The following TACC2 variants were observed in gnomAD, a reference collection of about 807,000 sequenced individuals.
The protein encoded by TACC2 is transforming acidic coiled-coil containing protein 2, also known as transforming acidic coiled-coil-containing protein 2.
Under a neutral mutation model 227.3 loss-of-function variants are expected in TACC2, and 137 were observed. The observed-to-expected ratio is 0.60, with a 90% CI of 0.52 to 0.69. TACC2 has a LOEUF of 0.69. Ranked by LOEUF, TACC2 falls within the 30% of genes least tolerant of loss-of-function variation. TACC2 has a pLI of 0.00. For missense variants in TACC2, 3,470 were observed against 3,694.4 expected (o/e 0.94, Z 1.57); for synonymous variants, 1,523 against 1,487.5 (o/e 1.02, Z -0.55).
chr10:122,085,990 C>T lies in TACC2; in HGVS notation c.3490C>T (p.His1164Tyr), dbSNP rs1294650888. The change falls in exon 4 of 23, where the codon CAC becomes TAC. Residue 1164 changes from histidine to tyrosine, a missense_variant. Around this residue, in one of 10 missense-constraint regions of TACC2, gnomAD observed 1,924 missense variants for 1,978.3 expected, o/e 0.97. Transcript: ENST00000369005. ...GAGTTGTGGCCTCCTTCAGACTGAG[C>T]ACTGCCTTACCTCCGGGGAGGAAGC... ...TLSCGLLQTE[H>Y]CLTSGEEAST... The T allele has an allele frequency of 6.2e-7, 1 of 1,614,018 alleles. No individual in the cohort carries two copies. Among genetic ancestry groups the T allele is most frequent in the Non-Finnish European group, 8.5e-7 (1 of 1,180,020 alleles).
intron 7 of TACC2, among the ~76,000 whole-genome samples, chr10:122,159,508 G>A (rs373798795): frequency 2.0e-5 from 3 of 152,340 alleles, no homozygotes; most frequent in African/African-American, 7.2e-5. Flanking sequence ...GCCTAGCTCA[G>A]TGCAGGGCTC....
chr10:122,041,133 G>T (rs2074209146), intron 2 of TACC2, among the ~76,000 whole-genome samples: 2 of 152,226 alleles, frequency 1.3e-5, no homozygotes, highest in Admixed American at 6.5e-5. Flanking sequence ...GAGGTTGTAT[G>T]TTGCTCAGGC....
intron 1 of TACC2, among the ~76,000 whole-genome samples, chr10:122,008,264 A>ATTATTTTTTTTTTTTTTTTTT: frequency 3.0e-5 from 4 of 134,654 alleles, no homozygotes; most frequent in Non-Finnish European, 4.7e-5. Context: ...TATTATTATT[A>ATTATTTTTTTTTTTTTTTTTT]TTTTTTTTTT....
chr10:122,190,934 C>T (rs1017126400), intron 7 of TACC2, among the ~76,000 whole-genome samples: 17 of 152,152 alleles, frequency 1.1e-4, no homozygotes, highest in Middle Eastern at 3.2e-3. Flanking sequence ...GTAAATTGAG[C>T]TTGCTGAAAA....
intron 13 of TACC2, 144 bp from the exon 14 acceptor site, chr10:122,227,693 G>C: frequency 1.2e-6 from 1 of 860,994 alleles, no homozygotes; most frequent in Admixed American, 2.6e-5. Flanking sequence ...CAGCCTAGAG[G>C]CTGCATGGCC....
chr10:122,041,089 A>C (rs1478313002), intron 2 of TACC2, among the ~76,000 whole-genome samples: 1 of 152,230 alleles, frequency 6.6e-6, no homozygotes, highest in Non-Finnish European at 1.5e-5. Context: ...TGTGTATGCG[A>C]GCCGTCCCCA....
intron 7 of TACC2, chr10:122,164,055 G>A: frequency 6.5e-7 from 1 of 1,540,120 alleles, no homozygotes; most frequent in Admixed American, 2.0e-5. Context: ...CCCGGGCTTT[G>A]TTAGTGTCGC....
chr10:122,034,021 G>A (rs12354719), intron 2 of TACC2, among the ~76,000 whole-genome samples: 23,098 of 151,740 alleles, frequency 0.15, 2,150 homozygotes, highest in Admixed American at 0.23. Context: ...GCGTGGTGGC[G>A]CACACCTGTA....
At chr10:122,088,079 T>C (rs1452401201) in intron 4 of TACC2, 120 bp downstream of exon 4, 2 of 1,110,414 alleles carry the variant, frequency 1.8e-6, no homozygotes, top group Admixed American at 3.5e-5. Context: ...GTTTTCCATA[T>C]CTAATTGCTA....
At chr10:122,052,744 T>A (rs1385179467) in intron 3 of TACC2, 1 of 151,786 alleles carries the variant, frequency 6.6e-6, no homozygotes, top group Non-Finnish European at 1.5e-5. Context: ...CAGCTTCCTG[T>A]TCACAATTAA....
In TACC2 at chr10:122,090,142, T is replaced by G. The variant is rs1410156360; in HGVS notation, c.5573+1551T>G. 2.0e-5 allele frequency among the ~76,000 whole-genome samples: 3 copies of G among 151,716 alleles called. No individual in the cohort carries two copies. The East Asian group carries it at 5.8e-4, about 29-fold the overall frequency. ...CAGGGCCAGATGTATAGTAGTACAA[T>G]AAATATTTCATGACTTGTTGTTTTA... is the stretch of plus-strand genomic sequence containing the variant. On this transcript the variant is annotated intron_variant, in intron 5 of 22. Transcript: ENST00000369005.
At chr10:122,106,091 G>A (rs140721687) in intron 5 of TACC2, among the ~76,000 whole-genome samples, 4 of 151,304 alleles carry the variant, frequency 2.6e-5, no homozygotes, top group African/African-American at 4.9e-5. Flanking sequence ...GGGTTCAAGC[G>A]ATTCTCCTGC....
chr10:122,116,492 C>T (rs2084723825), intron 5 of TACC2, among the ~76,000 whole-genome samples: 1 of 152,230 alleles, frequency 6.6e-6, no homozygotes, highest in Non-Finnish European at 1.5e-5. Context: ...GCTGTGTGAC[C>T]TTGAGCAAGT....
At chr10:122,030,329 A>G (rs1294087374) in intron 2 of TACC2, among the ~76,000 whole-genome samples, 3 of 152,270 alleles carry the variant, frequency 2.0e-5, no homozygotes, top group Non-Finnish European at 4.4e-5. Flanking sequence ...AGAGACTCAT[A>G]GAAATGGAAT....
intron 7 of TACC2, among the ~76,000 whole-genome samples, chr10:122,171,806 G>T (rs1191716636): frequency 1.3e-5 from 2 of 152,210 alleles, no homozygotes; most frequent in Non-Finnish European, 2.9e-5. Flanking sequence ...TGCAATGGAT[G>T]GTTAATTTGG....
Position 122,084,424 on chromosome 10 carries a change from G to C in TACC2, c.1924G>C (p.Gly642Arg). 6.2e-7 allele frequency: 1 copy of C among 1,612,922 alleles called. No individual in the cohort carries two copies. The highest frequency in any genetic ancestry group is 8.5e-7 in the Non-Finnish European group (1 of 1,180,024). Reference sequence around the variant, plus strand: ...ACAGCCACCCAGAAAGGGGGGTGCTGGGCACACGGACGGGCCCCACTCTCA... The same window carrying C: ...ACAGCCACCCAGAAAGGGGGGTGCTCGGCACACGGACGGGCCCCACTCTCA... ...SAQPPRKGGA[G>R]HTDGPHSQTA... Residue 642 changes from glycine (G) to arginine (R), a missense_variant, in exon 4 of 23, where the codon GGG (glycine) becomes CGG (arginine). Gly to Arg is a moderately radical substitution (Grantham distance 125, BLOSUM62 -2). Transcript: ENST00000369005.
intron 9 of TACC2, 147 bp downstream of exon 9, chr10:122,211,855 G>A (rs2095301788): frequency 3.2e-6 from 2 of 628,236 alleles, no homozygotes; most frequent in Non-Finnish European, 2.6e-6. Context: ...GTTGCACCAA[G>A]CAGACAATGT....
chr10:122,168,476 G>T (rs1343429674), intron 7 of TACC2, among the ~76,000 whole-genome samples: 2 of 152,164 alleles, frequency 1.3e-5, no homozygotes, highest in Non-Finnish European at 2.9e-5. Context: ...TCACCAGCGT[G>T]GCCCTGTGCC....
intron 6 of TACC2, among the ~76,000 whole-genome samples, chr10:122,140,686 C>G (rs2090396026): frequency 6.6e-6 from 1 of 152,226 alleles, no homozygotes; most frequent in Non-Finnish European, 1.5e-5. Flanking sequence ...GCCCGACTTC[C>G]TGAGAACAAT....
Sources: gnomAD v4.1 joint callset for allele counts (sites outside exome capture counted in the v4.1 genomes callset) on GRCh38, gnomAD v4.1.1 for gene constraint, gnomAD v4.1.1 regional missense constraint, MANE v1.5 for transcripts, NCBI Gene and HGNC (gene_info 2026-07-23, HGNC 2026-07-21) for gene names.